Variants in CUX1 observed in about 807,000 individuals in gnomAD.
The protein encoded by CUX1 is cut like homeobox 1.
A neutral mutation model predicts 158.8 loss-of-function variants in CUX1; 31 were observed. That is an observed-to-expected ratio of 0.20 (90% CI 0.15 to 0.26). The LOEUF is 0.26. Among genes scored for constraint, CUX1 ranks in the 10% least tolerant of loss-of-function variants. CUX1 has a pLI of 1.00. For missense variants in CUX1, 1,589 were observed against 2,014.6 expected (o/e 0.79, Z 4.04); for synonymous variants, 879 against 862.1 (o/e 1.02, Z -0.34).
chr7:102,229,192 C>T (rs1032456898), intron 21 of CUX1, among the ~76,000 whole-genome samples: 9 of 152,124 alleles, frequency 5.9e-5, no homozygotes, highest in African/African-American at 2.2e-4. Flanking sequence ...GACCTGGCCT[C>T]GGCCTGGCAC....
In CUX1 at chr7:102,236,541, G is replaced by A. The variant is rs558599573; in HGVS notation, c.3622+2301G>A. Among the ~76,000 whole-genome samples, 22 of 152,286 alleles carry A rather than the reference G, an allele frequency of 1.4e-4. No homozygotes were observed. In the South Asian group the frequency reaches 2.3e-3, roughly 16 times the overall value. On this transcript the variant is annotated intron_variant, in intron 22 of 23. Coordinates refer to ENST00000292535, the MANE Select transcript of CUX1 (RefSeq NM_181552.4). ...TCCTCCCATCTCGGCCTCCCAAAGC[G>A]CTGGGATTACAGGCATGAGCCACTG...
At position 102,239,596 on chromosome 7, in the gene CUX1, G is replaced by A; in HGVS notation, c.3887+12G>A. 1 of 1,606,262 alleles carries A rather than the reference G, an allele frequency of 6.2e-7. No homozygotes were observed. Among genetic ancestry groups the A allele is most frequent in the Non-Finnish European group, 8.5e-7 (1 of 1,173,762 alleles). On this transcript the variant is annotated intron_variant, in intron 23 of 23. Coordinates refer to ENST00000292535, the MANE Select transcript of CUX1 (RefSeq NM_181552.4). ...TTCCACAACTACAGGTACGACGGCT[G>A]GCTCACAGGGAGCGCCGGTCGGCCC...
At chr7:101,921,604 G>A (rs550284176) in intron 2 of CUX1, among the ~76,000 whole-genome samples, 88 of 152,100 alleles carry the variant, frequency 5.8e-4, no homozygotes, top group African/African-American at 2.0e-3. Context: ...GGAATTACAC[G>A]TACCCGTCAC....
intron 21 of CUX1, among the ~76,000 whole-genome samples, chr7:102,282,406 T>C (rs1438659286): frequency 6.6e-6 from 1 of 152,068 alleles, no homozygotes; most frequent in Non-Finnish European, 1.5e-5. Context: ...CCTTGGGGAC[T>C]CCTGTCCCCC....
intron 3 of CUX1, among the ~76,000 whole-genome samples, chr7:102,045,434 G>A (rs944348357): frequency 5.9e-5 from 9 of 152,224 alleles, no homozygotes; most frequent in Non-Finnish European, 2.9e-5. Flanking sequence ...GTGCCACTGC[G>A]CCCGCGCGCC....
chr7:102,144,228 G>C (rs1834777349), intron 8 of CUX1, among the ~76,000 whole-genome samples: 1 of 152,188 alleles, frequency 6.6e-6, no homozygotes, highest in Non-Finnish European at 1.5e-5. Context: ...GTCAGCATCA[G>C]TGCACGCTTT....
At chr7:101,931,872 A>G (rs1011209836) in intron 2 of CUX1, among the ~76,000 whole-genome samples, 1 of 152,142 alleles carries the variant, frequency 6.6e-6, no homozygotes, top group African/African-American at 2.4e-5. Context: ...TTAGATGGAA[A>G]TTTTAAATTG....
At chr7:102,165,002 G>A (rs192060776) in intron 9 of CUX1, among the ~76,000 whole-genome samples, 1 of 152,152 alleles carries the variant, frequency 6.6e-6, no homozygotes, top group Admixed American at 6.5e-5. Context: ...CAGGGTGGGG[G>A]AAGGAGTCTG....
intron 2 of CUX1, among the ~76,000 whole-genome samples, chr7:101,933,918 C>A (rs114104454): frequency 3.3e-5 from 5 of 152,280 alleles, no homozygotes; most frequent in African/African-American, 1.2e-4. Flanking sequence ...TGTTTTCTAT[C>A]ATCAAAGTTT....
At chr7:102,080,912 C>G (rs1347764643) in intron 4 of CUX1, among the ~76,000 whole-genome samples, 3 of 152,218 alleles carry the variant, frequency 2.0e-5, no homozygotes, top group Admixed American at 2.0e-4. Flanking sequence ...TGGCCCCGAC[C>G]TTAGATCCCA....
intron 20 of CUX1, among the ~76,000 whole-genome samples, chr7:102,281,531 C>T (rs1456794032): frequency 3.3e-5 from 5 of 150,960 alleles, no homozygotes; most frequent in African/African-American, 9.8e-5. Context: ...GGCGTGGTGA[C>T]GCACACCTGT....
chr7:102,193,527 CA>C (rs1219552322), intron 12 of CUX1, among the ~76,000 whole-genome samples: 1 of 152,164 alleles, frequency 6.6e-6, no homozygotes, highest in African/African-American at 2.4e-5. Context: ...AGAAAATAAT[CA>C]CTCTGGTGGC....
At chr7:101,932,656 C>T (rs1404316900) in intron 2 of CUX1, 6 of 451,598 alleles carry the variant, frequency 1.3e-5, no homozygotes, top group South Asian at 3.1e-5. Flanking sequence ...TTAAAAGCTG[C>T]AGACAAGTAT....
chr7:102,243,676 AT>A (rs1554535818), intron 23 of CUX1, among the ~76,000 whole-genome samples: 3 of 144,276 alleles, frequency 2.1e-5, no homozygotes, highest in African/African-American at 8.1e-5. Context: ...AATAATAATA[AT>A]AAAATAAATG....
At chr7:102,232,364 C>T (rs1275940643) in intron 21 of CUX1, among the ~76,000 whole-genome samples, 1 of 152,240 alleles carries the variant, frequency 6.6e-6, no homozygotes, top group East Asian at 1.9e-4. Context: ...GTCTCAGCTT[C>T]AGTGCTTTCT....
At chr7:101,999,214 T>TA (rs1462045951) in intron 2 of CUX1, among the ~76,000 whole-genome samples, 4 of 133,872 alleles carry the variant, frequency 3.0e-5, no homozygotes, top group South Asian at 2.4e-4. Flanking sequence ...AACTTTTTTT[T>TA]ACCTTTTTTT....
chr7:102,278,353 G>GC (rs1450344894), intron 18 of CUX1, among the ~76,000 whole-genome samples: 1 of 152,190 alleles, frequency 6.6e-6, no homozygotes, highest in Non-Finnish European at 1.5e-5. Context: ...ACTGTGGGAG[G>GC]CCGAGGCAGG....
intron 2 of CUX1, among the ~76,000 whole-genome samples, chr7:101,969,438 G>A (rs892700608): frequency 6.7e-6 from 1 of 149,412 alleles, no homozygotes; most frequent in Non-Finnish European, 1.5e-5. Context: ...ATTTGGATTA[G>A]GAAGGTCTGA....
In CUX1 at chr7:102,162,365, C is replaced by T. The variant is rs191242997; in HGVS notation, c.723+3757C>T. 3.6e-3 allele frequency among the ~76,000 whole-genome samples: 553 copies of T among 152,316 alleles called. 2 individuals are homozygous for T. The highest frequency in any genetic ancestry group is 5.5e-3 in the Non-Finnish European group (374 of 68,028). Reference sequence around the variant, plus strand: ...CTCAGCTCACTGCAACCTCCCCGTCCTGGGTTCAAGTGATTCCCCTGCCTC... The same window carrying T: ...CTCAGCTCACTGCAACCTCCCCGTCTTGGGTTCAAGTGATTCCCCTGCCTC... On this transcript the variant is annotated intron_variant, in intron 9 of 23. Coordinates refer to ENST00000292535, the MANE Select transcript of CUX1 (RefSeq NM_181552.4).
Sources: allele counts gnomAD v4.1 joint callset (sites outside exome capture counted in the v4.1 genomes callset), GRCh38; gene constraint gnomAD v4.1.1; transcripts MANE v1.5; gene names NCBI Gene and HGNC (gene_info 2026-07-23, HGNC 2026-07-21).